Variants in ALKBH5 observed in about 807,000 individuals in gnomAD.
ALKBH5 encodes the protein alkB homolog 5, RNA demethylase.
In ALKBH5, 2 loss-of-function variants were observed where a neutral mutation model predicts 32.1. That is an observed-to-expected ratio of 0.06 (90% CI 0.03 to 0.20). The LOEUF (loss-of-function observed/expected upper bound fraction) is 0.20. ALKBH5 is among the 10% of genes least tolerant of loss of function. The probability of loss-of-function intolerance (pLI) is 1.00; values close to 1 mark genes in which losing one functional copy is unlikely to be tolerated. For missense variants in ALKBH5, 352 were observed against 559.5 expected (o/e 0.63, Z 3.74); for synonymous variants, 300 against 231.7 (o/e 1.29, Z -2.68).
chr17:18,189,469 G>C (rs1323320513), intron 1 of ALKBH5, among the ~76,000 whole-genome samples: 3 of 152,212 alleles, frequency 2.0e-5, no homozygotes, highest in Non-Finnish European at 1.5e-5. Flanking sequence ...GCTCTCTGGG[G>C]GATATAGGTT....
chr17:18,205,028 C>T (rs1176260294), intron 2 of ALKBH5, among the ~76,000 whole-genome samples: 2 of 151,800 alleles, frequency 1.3e-5, no homozygotes, highest in South Asian at 2.1e-4. Context: ...CCAGACTGGG[C>T]GACAGAGCAA....
rs2047197646 is a variant in ALKBH5 at position 18,195,090 on chromosome 17, T to G, written c.851+55T>G. 4 of 1,491,906 alleles carry G rather than the reference T, an allele frequency of 2.7e-6. No individual in the cohort carries two copies. In the East Asian group the frequency reaches 9.2e-5, roughly 34 times the overall value. 92.4% of individuals were successfully genotyped at this position (1,491,906 alleles called of 1,614,324 possible). A position where few individuals can be genotyped will look rare whatever the true frequency, so the allele number is the denominator to read the frequency against. On this transcript the variant is annotated intron_variant, in intron 2 of 3. Transcript: ENST00000399138. Reference sequence around the variant, plus strand: ...TCACCTGCAGGCCTGTCTGGAGATGTAGCTCTGGGTCCACTTAGAACTCAG... The same window carrying G: ...TCACCTGCAGGCCTGTCTGGAGATGGAGCTCTGGGTCCACTTAGAACTCAG...
chr17:18,186,469 T>C (rs1464430878), intron 1 of ALKBH5, among the ~76,000 whole-genome samples: 1 of 152,210 alleles, frequency 6.6e-6, no homozygotes, highest in Non-Finnish European at 1.5e-5. Flanking sequence ...TAGCGGGATA[T>C]TAATTTTCTG....
chr17:18,191,541 G>T (rs771586203), intron 1 of ALKBH5, among the ~76,000 whole-genome samples: 5 of 152,222 alleles, frequency 3.3e-5, no homozygotes, highest in Non-Finnish European at 5.9e-5. Context: ...ACTGCATTAA[G>T]AAAAGTGGTT....
chr17:18,203,432 C>T (rs1429918540), intron 2 of ALKBH5, among the ~76,000 whole-genome samples: 1 of 152,236 alleles, frequency 6.6e-6, no homozygotes. Flanking sequence ...TTGTGACCTC[C>T]CTTGTCCCTG....
At chr17:18,196,245 C>T (rs1045096163) in intron 2 of ALKBH5, among the ~76,000 whole-genome samples, 1 of 148,772 alleles carries the variant, frequency 6.7e-6, no homozygotes, top group African/African-American at 2.5e-5. Context: ...CAGGGTCTCA[C>T]TCTGTCGCCT....
intron 2 of ALKBH5, among the ~76,000 whole-genome samples, chr17:18,202,123 C>T (rs1394144810): frequency 4.6e-5 from 7 of 151,370 alleles, no homozygotes; most frequent in African/African-American, 1.7e-4. Flanking sequence ...CTGGCTAACA[C>T]GGTGAAACCC....
intron 2 of ALKBH5, among the ~76,000 whole-genome samples, chr17:18,204,554 G>C (rs937206314): frequency 2.0e-5 from 3 of 152,042 alleles, no homozygotes; most frequent in African/African-American, 7.2e-5. Flanking sequence ...TTGAGCCCCA[G>C]TGTTTGAGAC....
intron 2 of ALKBH5, among the ~76,000 whole-genome samples, chr17:18,198,610 C>T (rs945687600): frequency 5.3e-5 from 8 of 152,124 alleles, no homozygotes; most frequent in African/African-American, 1.9e-4. Flanking sequence ...CCGGTCCTGC[C>T]TTCTCATAAG....
chr17:18,206,722 G>A, intron 2 of ALKBH5, 93 bp from the exon 3 acceptor site: 1 of 1,412,546 alleles, frequency 7.1e-7, no homozygotes, highest in Non-Finnish European at 9.8e-7. Context: ...AGGTCTAGCT[G>A]GCTCCCACTT....
rs1265421179 is a variant in ALKBH5 at position 18,209,541 on chromosome 17, T to G, written c.*1145T>G. On this transcript the variant is annotated 3_prime_UTR_variant, in exon 4 of 4. Coordinates refer to ENST00000399138, the MANE Select transcript of ALKBH5 (RefSeq NM_017758.4). ...TCAAAAAATAATAAGGAAAAAAAGG[T>G]AAAGTCTTTGGTAGCTTCTATCCAC... 6.6e-6 allele frequency: 1 copy of G among 152,210 alleles called. No individual in the cohort carries two copies. The highest frequency in any genetic ancestry group is 1.5e-5 in the Non-Finnish European group (1 of 68,060). The allele number at this position is 152,210 out of a possible 1,614,324, so 9.4% of individuals were successfully genotyped here.
chr17:18,184,389 A>C lies in ALKBH5; in HGVS notation c.146A>C (p.Glu49Ala). 6.5e-7 allele frequency: 1 copy of C among 1,537,054 alleles called. No individual in the cohort carries two copies. The highest frequency in any genetic ancestry group is 8.7e-7 in the Non-Finnish European group (1 of 1,143,790). ...GCAGCCGCAGCCGCCGCTGCCGCCGAACCTTACCCTGTGTCCGGGGCCAAG... is the reference window on the plus strand; with the variant it reads ...GCAGCCGCAGCCGCCGCTGCCGCCGCACCTTACCCTGTGTCCGGGGCCAAG... Reference protein sequence around the residue: ...AAAAAAAAAAEPYPVSGAKRK... With the variant: ...AAAAAAAAAAAPYPVSGAKRK... Residue 49 changes from glutamate to alanine, a missense_variant, in exon 1 of 4, where the codon GAA becomes GCA. Glu to Ala is a moderately radical substitution (Grantham distance 107, BLOSUM62 -1). Coordinates refer to ENST00000399138, the MANE Select transcript of ALKBH5 (RefSeq NM_017758.4).
intron 1 of ALKBH5, among the ~76,000 whole-genome samples, chr17:18,191,655 C>T (rs1456713263): frequency 6.6e-6 from 1 of 152,110 alleles, no homozygotes; most frequent in Non-Finnish European, 1.5e-5. Flanking sequence ...GTAGCCAGCA[C>T]TGCAGATTCA....
chr17:18,208,017 T>G (rs1447559878), intron 3 of ALKBH5, among the ~76,000 whole-genome samples: 1 of 152,140 alleles, frequency 6.6e-6, no homozygotes, highest in East Asian at 1.9e-4. Flanking sequence ...ACAGGGTAAT[T>G]GGGAAATGTC....
At chr17:18,204,982 C>G (rs1013211936) in intron 2 of ALKBH5, among the ~76,000 whole-genome samples, 7 of 151,476 alleles carry the variant, frequency 4.6e-5, no homozygotes, top group African/African-American at 1.7e-4. Flanking sequence ...CCTAGGAGTT[C>G]AAGGCTGCAG....
intron 1 of ALKBH5, among the ~76,000 whole-genome samples, chr17:18,187,754 C>T (rs935177542): frequency 5.3e-5 from 8 of 152,128 alleles, no homozygotes; most frequent in African/African-American, 9.7e-5. Context: ...TTTCTCTTTT[C>T]CTGGTACAGA....
intron 1 of ALKBH5, among the ~76,000 whole-genome samples, chr17:18,190,940 C>T (rs920828479): frequency 1.3e-5 from 2 of 152,184 alleles, no homozygotes; most frequent in Non-Finnish European, 2.9e-5. Context: ...ATATACTGGT[C>T]AGTGCCTCTG....
At chr17:18,201,152 C>G (rs1465859217) in intron 2 of ALKBH5, among the ~76,000 whole-genome samples, 2 of 152,180 alleles carry the variant, frequency 1.3e-5, no homozygotes, top group South Asian at 2.1e-4. Context: ...GTGGCTAGCT[C>G]TTAGTTTCTC....
intron 1 of ALKBH5, 73 bp downstream of exon 1, chr17:18,185,086 A>T: frequency 1.3e-6 from 2 of 1,535,652 alleles, no homozygotes; most frequent in Non-Finnish European, 1.7e-6. Context: ...AGAAAGCAGC[A>T]GCCCGTAGGA....
Sources: allele counts gnomAD v4.1 joint callset (sites outside exome capture counted in the v4.1 genomes callset), GRCh38; gene constraint gnomAD v4.1.1; transcripts MANE v1.5; gene names NCBI Gene and HGNC (gene_info 2026-07-23, HGNC 2026-07-21).